The following VPS35L variants were observed in gnomAD, a reference collection of about 807,000 sequenced individuals.
VPS35L encodes the protein VPS35 endosomal protein sorting factor like.
A neutral mutation model predicts 133.0 loss-of-function variants in VPS35L; 83 were observed. The observed-to-expected ratio is 0.62, with a 90% CI of 0.52 to 0.75. VPS35L has a LOEUF of 0.75. Ranked by LOEUF, VPS35L falls within the 30% of genes least tolerant of loss-of-function variation. The pLI, the probability that VPS35L is intolerant of heterozygous loss-of-function variation, is 0.00. For synonymous variants in VPS35L, 423 were observed against 449.9 expected, an observed-to-expected ratio of 0.94 and a Z score of 0.76; for missense variants, 1,083 against 1,206.8, an observed-to-expected ratio of 0.90 and a Z score of 1.52.
Position 19,681,900 on chromosome 16 carries a change from A to G in VPS35L, c.2362-325A>G, listed in dbSNP as rs1975293506. Reference sequence around the variant, plus strand: ...GCTTCCTTTTTTTTTAACTCCCACCACCCACAGAAAAATAAGAGTGTAATT... The same window carrying G: ...GCTTCCTTTTTTTTTAACTCCCACCGCCCACAGAAAAATAAGAGTGTAATT... On this transcript the variant is annotated intron_variant, in intron 27 of 30. Coordinates refer to ENST00000417362, the MANE Select transcript of VPS35L (RefSeq NM_020314.7). 3.3e-5 allele frequency among the ~76,000 whole-genome samples: 5 copies of G among 151,834 alleles called. No individual in the cohort carries two copies. In the South Asian group the frequency reaches 1.0e-3, roughly 32 times the overall value.
chr16:19,699,676 T>C lies in VPS35L; in HGVS notation c.2793+28T>C, dbSNP rs372740162. On this transcript the variant is annotated intron_variant, in intron 30 of 30. Coordinates refer to ENST00000417362, the MANE Select transcript of VPS35L (RefSeq NM_020314.7). The surrounding 1 kb of genome is among the most constrained non-coding windows in gnomAD (Gnocchi z 4.2). ...GAGGCGCTCGGAGGGCCCCGTGGTA[T>C]AAGCCCACTGGCCAGTGCACAACCA... 1 of 1,609,898 alleles carries C rather than the reference T, an allele frequency of 6.2e-7. No homozygotes were observed. Among genetic ancestry groups the C allele is most frequent in the Non-Finnish European group, 8.5e-7 (1 of 1,179,600 alleles).
intron 7 of VPS35L, among the ~76,000 whole-genome samples, chr16:19,591,447 G>C (rs1972039981): frequency 6.6e-6 from 1 of 151,996 alleles, no homozygotes; most frequent in Non-Finnish European, 1.5e-5. Context: ...CGGGTGCGGT[G>C]GCTCACGCCT....
At chr16:19,660,674 AG>A (rs1269857893) in intron 26 of VPS35L, among the ~76,000 whole-genome samples, 9 of 152,206 alleles carry the variant, frequency 5.9e-5, no homozygotes, top group African/African-American at 1.9e-4. Flanking sequence ...ACCATACAAA[AG>A]GTTGCATTTA....
intron 26 of VPS35L, among the ~76,000 whole-genome samples, chr16:19,656,939 A>G (rs1292947013): frequency 6.6e-6 from 1 of 150,630 alleles, no homozygotes; most frequent in African/African-American, 2.4e-5. Context: ...ACAATTAAAG[A>G]GAGATAGTGG....
chr16:19,693,812 G>A (rs1276263308), intron 29 of VPS35L, among the ~76,000 whole-genome samples: 1 of 151,618 alleles, frequency 6.6e-6, no homozygotes, highest in Non-Finnish European at 1.5e-5. Flanking sequence ...ACCCGGGCGT[G>A]GTGGTGAGTG....
chr16:19,607,985 A>G, intron 9 of VPS35L, 193 bp from the exon 10 acceptor site: 1 of 579,614 alleles, frequency 1.7e-6, no homozygotes, highest in Non-Finnish European at 3.1e-6. Context: ...TGCGAACGAC[A>G]CTTGGCACTT....
chr16:19,696,374 G>A (rs193119597), intron 29 of VPS35L, among the ~76,000 whole-genome samples: 346 of 152,262 alleles, frequency 2.3e-3, no homozygotes, highest in African/African-American at 7.9e-3. Flanking sequence ...TGCCTGTGCC[G>A]TTCTGAGAAT....
intron 8 of VPS35L, among the ~76,000 whole-genome samples, chr16:19,594,644 C>CAAA (rs57187565): frequency 0.11 from 3,537 of 31,482 alleles, 651 homozygotes; most frequent in Non-Finnish European, 0.17. Flanking sequence ...GATTTCGTCT[C>CAAA]AAAAAAAAAA....
rs193102641 is a variant in VPS35L, at chr16:19,659,078, G to A, written c.2221+6988G>A. 8.5e-4 allele frequency among the ~76,000 whole-genome samples: 129 copies of A among 152,252 alleles called. 1 individual carries two copies. The highest frequency in any genetic ancestry group is 5.2e-3 in the Admixed American group (79 of 15,288). The stretch of plus-strand genomic sequence containing the variant: ...GTTGTATTTCTAATCCCAAGTGCAC[G>A]TGGTTGCTGGAGGTCAATTATTACG... On this transcript the variant is annotated intron_variant, in intron 26 of 30. Coordinates refer to ENST00000417362, the MANE Select transcript of VPS35L (RefSeq NM_020314.7).
At position 19,581,433 on chromosome 16, in the gene VPS35L, C is replaced by G. The variant is rs373771398; in HGVS notation, c.511-92C>G. 5.2e-6 allele frequency: 7 copies of G among 1,345,590 alleles called. No homozygotes were observed. The African/African-American group carries it at 7.5e-5, about 14-fold the overall frequency. 83.4% of individuals were successfully genotyped at this position (1,345,590 alleles called of 1,614,324 possible). ...GGGGATATGAGGAAAATTTAGAGAC[C>G]AAAACTCAGCCAATACCTAGTATTC... On this transcript the variant is annotated intron_variant, in intron 6 of 30. Coordinates refer to ENST00000417362, the MANE Select transcript of VPS35L (RefSeq NM_020314.7).
At chr16:19,659,251 T>C (rs1974404192) in intron 26 of VPS35L, among the ~76,000 whole-genome samples, 1 of 152,198 alleles carries the variant, frequency 6.6e-6, no homozygotes, top group Non-Finnish European at 1.5e-5. Context: ...GAGAAAGGTA[T>C]GTCATCCTGT....
At chr16:19,683,959 T>C (rs1383019381) in intron 28 of VPS35L, among the ~76,000 whole-genome samples, 1 of 152,236 alleles carries the variant, frequency 6.6e-6, no homozygotes, top group Admixed American at 6.5e-5. Flanking sequence ...AACCCTCTTT[T>C]GGATCAGTGT....
At chr16:19,568,929 G>A (rs1252520293) in intron 2 of VPS35L, among the ~76,000 whole-genome samples, 1 of 152,136 alleles carries the variant, frequency 6.6e-6, no homozygotes, top group African/African-American at 2.4e-5. Flanking sequence ...ACAGGCATGA[G>A]CCACTGCACC....
At chr16:19,637,198 C>G (rs1356499924) in intron 19 of VPS35L, among the ~76,000 whole-genome samples, 1 of 152,202 alleles carries the variant, frequency 6.6e-6, no homozygotes, top group Non-Finnish European at 1.5e-5. Context: ...GCCCACTATT[C>G]AAGGAATAAC....
chr16:19,570,283 G>T (rs922236069), intron 3 of VPS35L, among the ~76,000 whole-genome samples: 29 of 152,080 alleles, frequency 1.9e-4, no homozygotes, highest in Non-Finnish European at 3.5e-4. Flanking sequence ...GGCTGGTCTT[G>T]AACTCTTGAC....
chr16:19,698,722 G>C (rs1976005616), intron 29 of VPS35L, among the ~76,000 whole-genome samples: 1 of 152,174 alleles, frequency 6.6e-6, no homozygotes, highest in Non-Finnish European at 1.5e-5. Context: ...ATGTTGTGCA[G>C]ATGTGGGATC....
At position 19,588,210 on chromosome 16, in the gene VPS35L, C is replaced by A. The variant is rs936436498; in HGVS notation, c.640-3580C>A. ...ATGTATTTATTTATTGAGACAGAGT[C>A]TTGCTCTGTTGTCCAGGCTGGAGTG... On this transcript the variant is annotated intron_variant, in intron 7 of 30. Coordinates refer to ENST00000417362, the MANE Select transcript of VPS35L (RefSeq NM_020314.7). Among the ~76,000 whole-genome samples the A allele has an allele frequency of 3.4e-5, 5 of 145,122 alleles. No individual in the cohort carries two copies. In the Admixed American group the frequency reaches 3.4e-4, roughly 10 times the overall value.
chr16:19,562,351 G>A (rs72767552), intron 1 of VPS35L, among the ~76,000 whole-genome samples: 7,296 of 152,220 alleles, frequency 0.048, 216 homozygotes, highest in African/African-American at 0.081. Context: ...CTAAAACTGG[G>A]CGGTGCAAAC....
At chr16:19,568,460 C>T (rs1424378268) in intron 2 of VPS35L, among the ~76,000 whole-genome samples, 2 of 150,298 alleles carry the variant, frequency 1.3e-5, no homozygotes, top group South Asian at 2.1e-4. Context: ...ATTATTCATT[C>T]GGTCTCCAGC....
Sources: gnomAD v4.1 joint callset for allele counts (sites outside exome capture counted in the v4.1 genomes callset) on GRCh38, gnomAD v4.1.1 for gene constraint, Gnocchi (gnomAD v3.1) non-coding constraint, MANE v1.5 for transcripts, NCBI Gene and HGNC (gene_info 2026-07-23, HGNC 2026-07-21) for gene names.